IMMP2L: variants seen among roughly 807,000 people sequenced by gnomAD.
The protein encoded by IMMP2L is inner mitochondrial membrane peptidase subunit 2, also known as mitochondrial inner membrane protease subunit 2.
A neutral mutation model predicts 19.3 loss-of-function variants in IMMP2L; 18 were observed. The observed-to-expected ratio is 0.93, with a 90% confidence interval of 0.64 to 1.38. IMMP2L has a LOEUF of 1.38. Among genes scored for constraint, IMMP2L ranks in the 40% most tolerant of loss-of-function variants. The pLI, the probability that IMMP2L is intolerant of heterozygous loss-of-function variation, is 0.00. For synonymous variants in IMMP2L, 76 were observed against 73.0 expected, an observed-to-expected ratio of 1.04 and a Z score of -0.21; for missense variants, 233 against 218.2, an observed-to-expected ratio of 1.07 and a Z score of -0.43.
At chr7:111,055,029 G>T (rs1225070056) in intron 3 of IMMP2L, among the ~76,000 whole-genome samples, 1 of 146,754 alleles carries the variant, frequency 6.8e-6, no homozygotes, top group Non-Finnish European at 1.5e-5. Flanking sequence ...CTCTAGTCAT[G>T]GATTTGACAC....
chr7:110,817,424 C>T (rs1802626333), intron 5 of IMMP2L, among the ~76,000 whole-genome samples: 1 of 151,972 alleles, frequency 6.6e-6, no homozygotes, highest in Non-Finnish European at 1.5e-5. Context: ...AGGACCTCTT[C>T]AAGGAGAACT....
intron 3 of IMMP2L, among the ~76,000 whole-genome samples, chr7:111,193,890 T>A (rs1056381091): frequency 1.3e-5 from 2 of 152,196 alleles, no homozygotes; most frequent in African/African-American, 4.8e-5. Context: ...TTAATCTGTG[T>A]CCTACTCATC....
At chr7:111,048,266 G>GA (rs1395699136) in intron 3 of IMMP2L, among the ~76,000 whole-genome samples, 1 of 110,770 alleles carries the variant, frequency 9.0e-6, no homozygotes, top group Non-Finnish European at 1.8e-5. Context: ...AAAAAAAAAA[G>GA]AAAAAAAGAA....
At chr7:110,881,944 G>A (rs1370794650) in intron 5 of IMMP2L, among the ~76,000 whole-genome samples, 1 of 152,100 alleles carries the variant, frequency 6.6e-6, no homozygotes, top group Admixed American at 6.6e-5. Flanking sequence ...GATTTCATGG[G>A]TTTTCATACA....
At chr7:110,927,078 A>C (rs1363688607) in intron 4 of IMMP2L, among the ~76,000 whole-genome samples, 1 of 152,068 alleles carries the variant, frequency 6.6e-6, no homozygotes, top group African/African-American at 2.4e-5. Flanking sequence ...AAAAAACAAC[A>C]CAGATTCTAT....
intron 3 of IMMP2L, among the ~76,000 whole-genome samples, chr7:111,189,865 T>C (rs1170045785): frequency 2.6e-5 from 4 of 152,156 alleles, no homozygotes; most frequent in Non-Finnish European, 5.9e-5. Context: ...CTAGACTAAA[T>C]GCTTATTCAG....
chr7:110,688,391 T>A (rs1018540448), intron 5 of IMMP2L, among the ~76,000 whole-genome samples: 2 of 152,202 alleles, frequency 1.3e-5, no homozygotes, highest in East Asian at 3.9e-4. Context: ...AACAACAAAC[T>A]GCTATGTTTG....
intron 4 of IMMP2L, among the ~76,000 whole-genome samples, chr7:110,900,846 T>G (rs1053905018): frequency 6.6e-6 from 1 of 152,040 alleles, no homozygotes. Context: ...AGGCGGTATG[T>G]GTGGATTGTT....
At chr7:111,396,104 C>T (rs556536987) in intron 3 of IMMP2L, among the ~76,000 whole-genome samples, 6 of 152,140 alleles carry the variant, frequency 3.9e-5, no homozygotes, top group Admixed American at 2.0e-4. Context: ...ACTAGAAATA[C>T]CATTTGACCC....
intron 3 of IMMP2L, among the ~76,000 whole-genome samples, chr7:111,343,913 T>C (rs1341430373): frequency 6.6e-6 from 1 of 152,082 alleles, no homozygotes; most frequent in Non-Finnish European, 1.5e-5. Flanking sequence ...AACAGAAAAC[T>C]GATCGTGGTC....
intron 3 of IMMP2L, among the ~76,000 whole-genome samples, chr7:111,083,774 C>T (rs1796081740): frequency 6.6e-6 from 1 of 152,122 alleles, no homozygotes; most frequent in African/African-American, 2.4e-5. Context: ...TCAACAAATG[C>T]TATTTAATAT....
chr7:111,509,472 G>A (rs1312637000), intron 2 of IMMP2L, among the ~76,000 whole-genome samples: 1 of 152,092 alleles, frequency 6.6e-6, no homozygotes, highest in Non-Finnish European at 1.5e-5. Flanking sequence ...CTCAATTTGA[G>A]CTGTCTCACC....
intron 5 of IMMP2L, among the ~76,000 whole-genome samples, chr7:110,752,619 A>G (rs548601191): frequency 1.3e-4 from 20 of 152,084 alleles, no homozygotes; most frequent in Admixed American, 3.3e-4. Flanking sequence ...GGTTGTTCTG[A>G]CATCATGAAG....
intron 5 of IMMP2L, among the ~76,000 whole-genome samples, chr7:110,684,236 A>C (rs1180720307): frequency 6.6e-6 from 1 of 152,092 alleles, no homozygotes; most frequent in East Asian, 1.9e-4. Context: ...ATTTACAAAA[A>C]TTTTTATATT....
chr7:111,506,478 A>T (rs1563286540), intron 2 of IMMP2L, among the ~76,000 whole-genome samples: 1 of 151,954 alleles, frequency 6.6e-6, no homozygotes, highest in Non-Finnish European at 1.5e-5. Flanking sequence ...GCTCACTGCA[A>T]CCTCCGCCTC....
At chr7:110,702,956 A>G (rs6466350) in intron 5 of IMMP2L, among the ~76,000 whole-genome samples, 128,219 of 152,048 alleles carry the variant, frequency 0.84, 54,362 homozygotes, top group Non-Finnish European at 0.89. Flanking sequence ...TAAAGTAATG[A>G]GATCAGATAG....
At position 111,238,557 on chromosome 7, in the gene IMMP2L, G is replaced by A. The variant is rs530770248; in HGVS notation, c.239+248681C>T. Among the ~76,000 whole-genome samples the A allele has an allele frequency of 7.2e-5, 11 of 151,764 alleles. No homozygotes were observed. The South Asian group carries it at 2.1e-3, about 29-fold the overall frequency. On this transcript the variant is annotated intron_variant, in intron 3 of 5. Transcript: ENST00000405709. ...TATTAAGGGAAGGAGCAGATTCCAG[G>A]GTCAATTTAATATAATTCTGTCTCT... is the stretch of plus-strand genomic sequence containing the variant.
At chr7:110,695,914 C>T (rs907025076) in intron 5 of IMMP2L, among the ~76,000 whole-genome samples, 13 of 152,192 alleles carry the variant, frequency 8.5e-5, no homozygotes, top group Admixed American at 8.5e-4. Flanking sequence ...AAACTGAAGT[C>T]TTTGTCTCCA....
At chr7:111,491,041 T>G (rs1368161308) in intron 2 of IMMP2L, among the ~76,000 whole-genome samples, 2 of 152,088 alleles carry the variant, frequency 1.3e-5, no homozygotes, top group Non-Finnish European at 2.9e-5. Flanking sequence ...TAACTCCTCT[T>G]CTTTCTCCTC....
Sources: allele counts gnomAD v4.1 joint callset (sites outside exome capture counted in the v4.1 genomes callset), GRCh38; gene constraint gnomAD v4.1.1; transcripts MANE v1.5; gene names NCBI Gene and HGNC (gene_info 2026-07-23, HGNC 2026-07-21).